Variants in INPP5F observed in about 807,000 individuals in gnomAD.
The protein encoded by INPP5F is phosphatidylinositide 4-phosphatase SAC2.
In INPP5F, 97 loss-of-function variants were observed where a neutral mutation model predicts 137.2. That is an observed-to-expected ratio of 0.71 (90% CI 0.60 to 0.84). The LOEUF is 0.84. INPP5F is among the 40% of genes least tolerant of loss of function. The pLI is 0.00. For synonymous variants in INPP5F, 504 were observed against 476.9 expected, an observed-to-expected ratio of 1.06 and a Z score of -0.74; for missense variants, 1,271 against 1,371.9, an observed-to-expected ratio of 0.93 and a Z score of 1.16.
chr10:119,761,938 C>G (rs1849021722), intron 2 of INPP5F, among the ~76,000 whole-genome samples: 17 of 152,166 alleles, frequency 1.1e-4, no homozygotes, highest in Admixed American at 1.0e-3. Flanking sequence ...TCAGTTGTCC[C>G]TTGGTATGAA....
At chr10:119,791,455 G>A (rs971416339) in intron 3 of INPP5F, 62 bp from the exon 4 acceptor site, 1 of 1,329,084 alleles carries the variant, frequency 7.5e-7, no homozygotes, top group Non-Finnish European at 1.1e-6. Context: ...ATTCACTTTT[G>A]CACTCGAACA....
intron 13 of INPP5F, 106 bp from the exon 14 acceptor site, chr10:119,809,994 A>G (rs777533635): frequency 2.9e-6 from 2 of 697,512 alleles, no homozygotes; most frequent in Non-Finnish European, 5.1e-6. Flanking sequence ...GACCTTGGAA[A>G]TTATAAAAGC....
At position 119,806,437 on chromosome 10, in the gene INPP5F, A is replaced by T; in HGVS notation, c.1397A>T (p.Asn466Ile). ...TGTATGGACTGCCTGGATCGCACCA[A>T]CGTGGTCCAAGCTGCCATCGCGAGA... ...VNCMDCLDRT[N>I]VVQAAIARVV... is the part of the protein sequence containing the mutation. Residue 466 changes from asparagine (N) to isoleucine (I), a missense_variant, in exon 12 of 20, where the codon AAC (asparagine) becomes ATC (isoleucine). By Grantham distance (149) the Asn-to-Ile change is moderately radical (BLOSUM62 -3). This residue lies in a region of INPP5F where 593 missense variants were observed against 712.4 expected (regional missense o/e 0.83). Transcript: ENST00000650623. 6.2e-7 allele frequency: 1 copy of T among 1,610,192 alleles called. No homozygotes were observed. The highest frequency in any genetic ancestry group is 1.1e-5 in the South Asian group (1 of 90,300).
intron 2 of INPP5F, among the ~76,000 whole-genome samples, chr10:119,769,879 C>T (rs1434881612): frequency 1.3e-5 from 2 of 152,118 alleles, no homozygotes; most frequent in Non-Finnish European, 2.9e-5. Flanking sequence ...TTTTTGGCTT[C>T]TATAGTCACA....
chr10:119,755,052 C>T (rs1848799453), intron 2 of INPP5F, among the ~76,000 whole-genome samples: 1 of 152,198 alleles, frequency 6.6e-6, no homozygotes, highest in African/African-American at 2.4e-5. Context: ...GAGATGGGAA[C>T]ATAAATTTAT....
intron 2 of INPP5F, among the ~76,000 whole-genome samples, chr10:119,767,104 C>T (rs1371441443): frequency 1.3e-4 from 2 of 15,708 alleles, no homozygotes; most frequent in Non-Finnish European, 2.4e-4. Context: ...GACTCTGTCT[C>T]CAGAAAAAAA....
chr10:119,780,313 G>A (rs1049204364), intron 2 of INPP5F, among the ~76,000 whole-genome samples: 14 of 152,130 alleles, frequency 9.2e-5, no homozygotes, highest in Non-Finnish European at 1.2e-4. Flanking sequence ...GGTGGCTCAT[G>A]CCTATAATCC....
chr10:119,783,457 TC>T (rs566936851), intron 3 of INPP5F, among the ~76,000 whole-genome samples: 210 of 152,318 alleles, frequency 1.4e-3, no homozygotes, highest in African/African-American at 4.7e-3. Context: ...TATTTGGCAC[TC>T]CCAGTTCTTC....
chr10:119,742,428 T>C (rs1848403886), intron 1 of INPP5F, among the ~76,000 whole-genome samples: 1 of 152,138 alleles, frequency 6.6e-6, no homozygotes, highest in Non-Finnish European at 1.5e-5. Flanking sequence ...AGTGCTGGCA[T>C]TACAGGCATG....
chr10:119,796,989 A>G, intron 7 of INPP5F, 76 bp downstream of exon 7: 1 of 1,298,714 alleles, frequency 7.7e-7, no homozygotes, highest in Non-Finnish European at 1.1e-6. Flanking sequence ...TTGAAATGCT[A>G]ATGACAATAA....
chr10:119,820,180 T>G (rs1851498433), intron 15 of INPP5F, among the ~76,000 whole-genome samples: 1 of 152,236 alleles, frequency 6.6e-6, no homozygotes, highest in African/African-American at 2.4e-5. Context: ...GGATGTACAT[T>G]TTACTGTAGT....
chr10:119,797,567 A>T lies in INPP5F; in HGVS notation c.975A>T (p.Gln325His). The T allele has an allele frequency of 6.2e-7, 1 of 1,613,420 alleles. No homozygotes were observed. Among genetic ancestry groups the T allele is most frequent in the Non-Finnish European group, 8.5e-7 (1 of 1,179,698 alleles). The change falls in exon 8 of 20, where the codon CAA (glutamine) becomes CAT (histidine). Residue 325 changes from glutamine (Q) to histidine (H), a missense_variant. Coordinates refer to ENST00000650623, the MANE Select transcript of INPP5F (RefSeq NM_014937.4). Reference protein sequence around the residue: ...HVHNHTLSFVQTRGSVPVFWS... With the variant: ...HVHNHTLSFVHTRGSVPVFWS... ...ATAATCATACCCTGTCATTTGTTCA[A>T]ACACGAGGCTCTGTGCCTGTCTTTT... is the stretch of plus-strand genomic sequence containing the variant.
Position 119,804,307 on chromosome 10 carries a change from C to CT in INPP5F, c.1241+13dup. 1 of 1,605,558 alleles carries CT rather than the reference C, an allele frequency of 6.2e-7. No homozygotes were observed. Among genetic ancestry groups the CT allele is most frequent in the Non-Finnish European group, 8.5e-7 (1 of 1,177,190 alleles). On this transcript the variant is annotated intron_variant, in intron 10 of 19. Coordinates refer to ENST00000650623, the MANE Select transcript of INPP5F (RefSeq NM_014937.4). ...ACTTCCATGAGCACTGGTAAGATGG[C>CT]TTTCGGAGAATAGTGTTGATCAATT...
At chr10:119,779,197 C>T (rs1484171336) in intron 2 of INPP5F, among the ~76,000 whole-genome samples, 1 of 152,032 alleles carries the variant, frequency 6.6e-6, no homozygotes, top group Non-Finnish European at 1.5e-5. Context: ...AGTAAAAATA[C>T]TGTACAAAAG....
At chr10:119,796,207 T>C (rs2134220988) in intron 6 of INPP5F, among the ~76,000 whole-genome samples, 1 of 152,350 alleles carries the variant, frequency 6.6e-6, no homozygotes, top group Non-Finnish European at 1.5e-5. Context: ...ATTGAGACTT[T>C]TTTTTTCTAA....
At chr10:119,750,928 A>G (rs940853864) in intron 1 of INPP5F, 148 bp from the exon 2 acceptor site, 15 of 634,188 alleles carry the variant, frequency 2.4e-5, no homozygotes, top group Non-Finnish European at 5.6e-6. Context: ...ATACTTTGTC[A>G]CAAATTGCTT....
intron 12 of INPP5F, among the ~76,000 whole-genome samples, chr10:119,807,204 C>T (rs995972211): frequency 3.3e-5 from 5 of 151,990 alleles, no homozygotes; most frequent in East Asian, 1.9e-4. Context: ...ACCCAGGAGG[C>T]GGAGGTTGTA....
chr10:119,811,879 C>G lies in INPP5F; in HGVS notation c.1810C>G (p.Gln604Glu). ...CCAGGAACTAATTAGCCAGCTCTTA[C>G]AAAGTTACATGAAGTTACTACTGCC... ...SHQELISQLL[Q>E]SYMKLLLPDD... Residue 604 changes from glutamine to glutamate, a missense_variant, in exon 15 of 20, where the codon CAA becomes GAA. By Grantham distance (29) the Gln-to-Glu change is conservative (BLOSUM62 2). Around this residue, in one of 6 missense-constraint regions of INPP5F, gnomAD observed 593 missense variants for 712.4 expected, o/e 0.83. Coordinates refer to ENST00000650623, the MANE Select transcript of INPP5F (RefSeq NM_014937.4). The G allele has an allele frequency of 1.2e-6, 2 of 1,614,144 alleles. No individual in the cohort carries two copies. The highest frequency in any genetic ancestry group is 2.2e-5 in the South Asian group (2 of 91,080).
chr10:119,793,651 T>A (rs1230290784), intron 6 of INPP5F: 2 of 152,220 alleles, frequency 1.3e-5, no homozygotes, highest in Admixed American at 1.3e-4. Context: ...CTTTATTTTA[T>A]TTATTTGTTT....
Sources: gnomAD v4.1 joint callset for allele counts (sites outside exome capture counted in the v4.1 genomes callset) on GRCh38, gnomAD v4.1.1 for gene constraint, gnomAD v4.1.1 regional missense constraint, MANE v1.5 for transcripts, NCBI Gene and HGNC (gene_info 2026-07-23, HGNC 2026-07-21) for gene names.